SMG6: variants seen among roughly 807,000 people sequenced by gnomAD.
SMG6 encodes SMG6 nonsense mediated mRNA decay factor.
Under a neutral mutation model 142.2 loss-of-function variants are expected in SMG6, and 66 were observed. The ratio of observed to expected loss-of-function variants is 0.46; its 90% CI spans 0.38 to 0.57. The LOEUF is 0.57. Ranked by LOEUF, SMG6 falls within the 20% of genes least tolerant of loss-of-function variation. The probability of loss-of-function intolerance (pLI) is 0.00; values close to 1 mark genes in which losing one functional copy is unlikely to be tolerated. For synonymous variants in SMG6, 779 were observed against 702.4 expected, an observed-to-expected ratio of 1.11 and a Z score of -1.72; for missense variants, 1,793 against 1,832.0, an observed-to-expected ratio of 0.98 and a Z score of 0.39.
intron 9 of SMG6, 78 bp downstream of exon 9, chr17:2,244,580 C>A: frequency 8.8e-7 from 1 of 1,140,272 alleles, no homozygotes; most frequent in Non-Finnish European, 1.3e-6. Context: ...GTTACAAACA[C>A]AGTCCAGTTG....
chr17:2,205,877 C>T (rs2072663022), intron 10 of SMG6, among the ~76,000 whole-genome samples: 1 of 152,178 alleles, frequency 6.6e-6, no homozygotes, highest in South Asian at 2.1e-4. Flanking sequence ...GCCGCAATCT[C>T]AGCTCACTGC....
intron 8 of SMG6, among the ~76,000 whole-genome samples, chr17:2,255,422 AAAAAAAAG>A (rs1348933449): frequency 1.4e-4 from 20 of 144,586 alleles, no homozygotes; most frequent in Admixed American, 7.6e-4. Flanking sequence ...AAAAAAAAAA[AAAAAAAAG>A]AATGTGATCT....
At chr17:2,137,520 T>G (rs1034640341) in intron 13 of SMG6, among the ~76,000 whole-genome samples, 3 of 151,920 alleles carry the variant, frequency 2.0e-5, no homozygotes, top group Non-Finnish European at 4.4e-5. Flanking sequence ...ACCTTTCACA[T>G]GCAAATGGGC....
intron 12 of SMG6, among the ~76,000 whole-genome samples, chr17:2,179,685 C>A (rs1457476282): frequency 6.6e-6 from 1 of 152,156 alleles, no homozygotes; most frequent in African/African-American, 2.4e-5. Context: ...TCTGGGCAGC[C>A]TGGTGAAACG....
intron 12 of SMG6, among the ~76,000 whole-genome samples, chr17:2,182,655 A>G (rs1269182593): frequency 3.3e-5 from 5 of 152,144 alleles, no homozygotes; most frequent in Non-Finnish European, 5.9e-5. Flanking sequence ...CTGGTCCCCA[A>G]GTCAAACAAG....
intron 1 of SMG6, chr17:2,303,344 G>C (rs2075328655): frequency 8.4e-6 from 10 of 1,183,944 alleles, no homozygotes; most frequent in Non-Finnish European, 2.1e-6. Flanking sequence ...TCCGGGGCGG[G>C]TCTGAGAGGG....
At chr17:2,274,358 G>T (rs924318635) in intron 8 of SMG6, among the ~76,000 whole-genome samples, 1 of 152,132 alleles carries the variant, frequency 6.6e-6, no homozygotes, top group African/African-American at 2.4e-5. Context: ...ACTGAGCCCA[G>T]AACATGGTCT....
intron 10 of SMG6, among the ~76,000 whole-genome samples, chr17:2,231,080 C>T (rs144745318): frequency 6.6e-6 from 1 of 152,254 alleles, no homozygotes; most frequent in East Asian, 1.9e-4. Context: ...ACTGTTCTGA[C>T]AAGCGGAGGA....
intron 14 of SMG6, among the ~76,000 whole-genome samples, chr17:2,083,308 G>A (rs111579829): frequency 5.8e-4 from 88 of 152,336 alleles, no homozygotes; most frequent in African/African-American, 2.0e-3. Context: ...TCAGGTGGGT[G>A]GCTGGGTAGA....
chr17:2,263,439 C>T (rs1241020653), intron 8 of SMG6, among the ~76,000 whole-genome samples: 3 of 152,154 alleles, frequency 2.0e-5, no homozygotes, highest in South Asian at 2.1e-4. Flanking sequence ...TAAGCATGAA[C>T]GACACGGAAA....
intron 12 of SMG6, among the ~76,000 whole-genome samples, chr17:2,185,173 C>T (rs996044853): frequency 2.6e-5 from 4 of 152,098 alleles, no homozygotes; most frequent in Admixed American, 6.5e-5. Context: ...TAACAACACA[C>T]GTGGCCACAG....
chr17:2,077,544 G>A (rs763578644), intron 15 of SMG6, among the ~76,000 whole-genome samples: 44 of 152,356 alleles, frequency 2.9e-4, no homozygotes, highest in Admixed American at 1.3e-3. Flanking sequence ...TGCCTAGGGA[G>A]TGGAAAGGAA....
At chr17:2,143,137 T>C (rs969149673) in intron 13 of SMG6, among the ~76,000 whole-genome samples, 1 of 152,168 alleles carries the variant, frequency 6.6e-6, no homozygotes, top group Non-Finnish European at 1.5e-5. Flanking sequence ...TGTAAAATGT[T>C]GCAGCTGCTT....
At chr17:2,154,345 G>C (rs2070936507) in intron 13 of SMG6, among the ~76,000 whole-genome samples, 1 of 152,082 alleles carries the variant, frequency 6.6e-6, no homozygotes, top group Non-Finnish European at 1.5e-5. Context: ...GGTGACGGGG[G>C]GGAATCTGGG....
chr17:2,269,769 A>G (rs216182), intron 8 of SMG6, among the ~76,000 whole-genome samples: 37,396 of 152,116 alleles, frequency 0.25, 5,329 homozygotes, highest in East Asian at 0.58. Context: ...CTCCAGCCCT[A>G]GGGAAACAAG....
At chr17:2,127,935 C>A (rs983006365) in intron 13 of SMG6, 3 of 563,184 alleles carry the variant, frequency 5.3e-6, no homozygotes, top group Admixed American at 1.9e-5. Flanking sequence ...CCAATGCAGA[C>A]ACAATGATTT....
At chr17:2,176,352 C>T (rs2071652561) in intron 12 of SMG6, among the ~76,000 whole-genome samples, 1 of 152,112 alleles carries the variant, frequency 6.6e-6, no homozygotes, top group African/African-American at 2.4e-5. Flanking sequence ...ATTCGGGTGG[C>T]GATGAGGATC....
At chr17:2,185,303 A>C (rs2071943126) in intron 12 of SMG6, among the ~76,000 whole-genome samples, 1 of 152,106 alleles carries the variant, frequency 6.6e-6, no homozygotes, top group Non-Finnish European at 1.5e-5. Flanking sequence ...ACAGACACTA[A>C]GACACACACA....
intron 13 of SMG6, among the ~76,000 whole-genome samples, chr17:2,156,848 T>TCA (rs2071023301): frequency 6.6e-6 from 1 of 152,210 alleles, no homozygotes; most frequent in Admixed American, 6.5e-5. Context: ...TGACAAGGTC[T>TCA]CACTATGTTG....
Sources: allele counts gnomAD v4.1 joint callset (sites outside exome capture counted in the v4.1 genomes callset), GRCh38; gene constraint gnomAD v4.1.1; transcripts MANE v1.5; gene names NCBI Gene and HGNC (gene_info 2026-07-23, HGNC 2026-07-21).